FBXL17: variants seen among roughly 807,000 people sequenced by gnomAD.
FBXL17 encodes F-box and leucine rich repeat protein 17.
In FBXL17, 22 loss-of-function variants were observed where a neutral mutation model predicts 66.2. That is an observed-to-expected ratio of 0.33 (90% CI 0.24 to 0.47). The LOEUF (loss-of-function observed/expected upper bound fraction) is 0.47, where lower values mean the gene tolerates loss of function less well. Among genes scored for constraint, FBXL17 ranks in the 20% least tolerant of loss-of-function variants. The probability of loss-of-function intolerance (pLI) is 1.00; values close to 1 mark genes in which losing one functional copy is unlikely to be tolerated. For missense variants in FBXL17, 878 were observed against 948.2 expected (o/e 0.93, Z 0.97); for synonymous variants, 474 against 400.5 (o/e 1.18, Z -2.19).
At chr5:108,115,373 AT>A (rs201498398) in intron 6 of FBXL17, among the ~76,000 whole-genome samples, 2 of 152,034 alleles carry the variant, frequency 1.3e-5, no homozygotes, top group East Asian at 3.8e-4. Flanking sequence ...AGTATTTAAA[AT>A]TTTTTTTAAA....
At chr5:107,963,434 G>A (rs754546184) in intron 7 of FBXL17, among the ~76,000 whole-genome samples, 1 of 152,124 alleles carries the variant, frequency 6.6e-6, no homozygotes, top group African/African-American at 2.4e-5. Flanking sequence ...CTAAACATGA[G>A]GGAAGGGATC....
chr5:108,281,326 C>A (rs1299354111), intron 4 of FBXL17, among the ~76,000 whole-genome samples: 1 of 151,794 alleles, frequency 6.6e-6, no homozygotes, highest in Non-Finnish European at 1.5e-5. Flanking sequence ...CTTCTCAGGC[C>A]ACAGTAGAAT....
chr5:108,294,036 T>C (rs1252523534), intron 4 of FBXL17, among the ~76,000 whole-genome samples: 1 of 117,346 alleles, frequency 8.5e-6, no homozygotes, highest in African/African-American at 3.4e-5. Flanking sequence ...GCGAGACTCT[T>C]GTCTCACAAA....
At chr5:108,030,910 T>G (rs558173586) in intron 6 of FBXL17, among the ~76,000 whole-genome samples, 191 of 152,124 alleles carry the variant, frequency 1.3e-3, no homozygotes, top group Non-Finnish European at 2.4e-3. Flanking sequence ...ATGACAGAAT[T>G]TTATAGAAAA....
At chr5:108,328,684 TA>T (rs1195785645) in intron 4 of FBXL17, among the ~76,000 whole-genome samples, 3 of 151,184 alleles carry the variant, frequency 2.0e-5, no homozygotes, top group African/African-American at 7.3e-5. Context: ...TCTATATTAT[TA>T]GAATTTTATA....
At chr5:108,217,448 T>C (rs1754655656) in intron 5 of FBXL17, among the ~76,000 whole-genome samples, 2 of 152,134 alleles carry the variant, frequency 1.3e-5, no homozygotes, top group Admixed American at 6.5e-5. Flanking sequence ...ACTTTTTTTT[T>C]GATCAGTGTG....
intron 3 of FBXL17, among the ~76,000 whole-genome samples, chr5:108,350,384 T>C (rs1400735639): frequency 6.6e-6 from 1 of 152,148 alleles, no homozygotes; most frequent in Non-Finnish European, 1.5e-5. Flanking sequence ...CAAAGCACAA[T>C]GCTGAAAATA....
intron 3 of FBXL17, among the ~76,000 whole-genome samples, chr5:108,360,075 C>A (rs1295531281): frequency 1.3e-5 from 2 of 152,064 alleles, no homozygotes; most frequent in African/African-American, 4.8e-5. Context: ...CCCTTTTGGA[C>A]TTAAAACCTG....
chr5:108,085,331 C>T (rs893900989), intron 6 of FBXL17, among the ~76,000 whole-genome samples: 2 of 152,214 alleles, frequency 1.3e-5, no homozygotes, highest in African/African-American at 2.4e-5. Context: ...GACAACAACA[C>T]AGCCAGAGGC....
chr5:108,320,013 C>A (rs1317022068), intron 4 of FBXL17, among the ~76,000 whole-genome samples: 1 of 151,738 alleles, frequency 6.6e-6, no homozygotes, highest in Non-Finnish European at 1.5e-5. Context: ...AATCTATTCT[C>A]TTACCTCAAA....
intron 6 of FBXL17, among the ~76,000 whole-genome samples, chr5:108,067,015 A>G (rs572305726): frequency 2.0e-5 from 3 of 152,208 alleles, no homozygotes; most frequent in Non-Finnish European, 4.4e-5. Context: ...TTTTCTTCTT[A>G]TATTTATAAT....
rs1049046762 is a variant in FBXL17, at chr5:108,187,613, C to T, written c.1615-1366G>A. Among the ~76,000 whole-genome samples the T allele has an allele frequency of 2.0e-5, 3 of 152,320 alleles. No homozygotes were observed. In the South Asian group the frequency reaches 6.2e-4, roughly 32 times the overall value. ...GAGGAAGGGGCCAGGAGTCAAGGAA[C>T]ATGGGCAGCTTTAGAGTTGGAAACA... is the stretch of plus-strand genomic sequence containing the variant. On this transcript the variant is annotated intron_variant, in intron 5 of 8. Coordinates refer to ENST00000542267, the MANE Select transcript of FBXL17 (RefSeq NM_001163315.3).
intron 7 of FBXL17, among the ~76,000 whole-genome samples, chr5:107,989,829 AT>A (rs933328585): frequency 2.0e-5 from 3 of 152,190 alleles, no homozygotes; most frequent in South Asian, 2.1e-4. Flanking sequence ...AATAAAAAAA[AT>A]ATTGTGACTT....
intron 8 of FBXL17, among the ~76,000 whole-genome samples, chr5:107,868,625 C>T (rs917603981): frequency 6.6e-6 from 1 of 152,206 alleles, no homozygotes; most frequent in African/African-American, 2.4e-5. Context: ...TGGTCCCTGC[C>T]CTCTTGTAGC....
At chr5:108,335,467 C>G (rs1348786058) in intron 4 of FBXL17, among the ~76,000 whole-genome samples, 1 of 151,440 alleles carries the variant, frequency 6.6e-6, no homozygotes, top group African/African-American at 2.4e-5. Flanking sequence ...AAACAAATAA[C>G]CTTAGACATG....
intron 7 of FBXL17, among the ~76,000 whole-genome samples, chr5:107,964,295 A>C (rs1752033324): frequency 6.6e-6 from 1 of 152,138 alleles, no homozygotes; most frequent in Non-Finnish European, 1.5e-5. Flanking sequence ...ATCAAACAAC[A>C]ACAATAAAAA....
chr5:108,103,913 C>T lies in FBXL17; in HGVS notation c.1745+82204G>A, dbSNP rs547925877. On this transcript the variant is annotated intron_variant, in intron 6 of 8. Coordinates refer to ENST00000542267, the MANE Select transcript of FBXL17 (RefSeq NM_001163315.3). ...TTTTGTTGATTTACCCTTTTTATTC[C>T]CCTCTACCCGCTATCCTTTTCCCTC... Among the ~76,000 whole-genome samples, 6 of 152,224 alleles carry T rather than the reference C, an allele frequency of 3.9e-5. No homozygotes were observed. In the South Asian group the frequency reaches 1.2e-3, roughly 32 times the overall value.
intron 7 of FBXL17, among the ~76,000 whole-genome samples, chr5:107,931,655 T>A (rs1750741423): frequency 6.6e-6 from 1 of 152,106 alleles, no homozygotes; most frequent in South Asian, 2.1e-4. Flanking sequence ...TTCTGACATA[T>A]CTAGTTCAAA....
chr5:108,367,439 G>T (rs1748738244), intron 2 of FBXL17, among the ~76,000 whole-genome samples: 1 of 151,964 alleles, frequency 6.6e-6, no homozygotes. Flanking sequence ...TGGATCAAAT[G>T]AACTAGTATG....
Sources: allele counts gnomAD v4.1 joint callset (sites outside exome capture counted in the v4.1 genomes callset), GRCh38; gene constraint gnomAD v4.1.1; transcripts MANE v1.5; gene names NCBI Gene and HGNC (gene_info 2026-07-23, HGNC 2026-07-21).